CTIF: variants seen among roughly 807,000 people sequenced by gnomAD.
The protein encoded by CTIF is CBP80/20-dependent translation initiation factor.
Under a neutral mutation model 66.0 loss-of-function variants are expected in CTIF, and 21 were observed. The observed-to-expected ratio is 0.32, with a 90% CI of 0.23 to 0.46. The LOEUF (loss-of-function observed/expected upper bound fraction) is 0.46. Ranked by LOEUF, CTIF falls within the 20% of genes least tolerant of loss-of-function variation. The pLI is 1.00. For missense variants in CTIF, 739 were observed against 812.7 expected (o/e 0.91, Z 1.10); for synonymous variants, 345 against 326.4 (o/e 1.06, Z -0.62).
intron 6 of CTIF, among the ~76,000 whole-genome samples, chr18:48,689,852 G>A (rs1333943489): frequency 3.3e-5 from 5 of 152,170 alleles, no homozygotes; most frequent in Admixed American, 6.5e-5. Context: ...CTGGGCATGA[G>A]GCACTTGTAA....
chr18:48,708,437 A>G (rs191583835), intron 6 of CTIF, among the ~76,000 whole-genome samples: 174 of 152,302 alleles, frequency 1.1e-3, no homozygotes, highest in Admixed American at 3.1e-3. Flanking sequence ...AGGGGTTCTC[A>G]ATGGAGCTTG....
At chr18:48,664,356 G>C (rs2144916677) in intron 4 of CTIF, 91 bp from the exon 5 acceptor site, 1 of 1,167,994 alleles carries the variant, frequency 8.6e-7, no homozygotes, top group Non-Finnish European at 1.3e-6. Context: ...CTGCGGATCT[G>C]CTCTGCCAGG....
chr18:48,634,881 A>G (rs1471509003), intron 2 of CTIF, among the ~76,000 whole-genome samples: 2 of 152,232 alleles, frequency 1.3e-5, no homozygotes, highest in Non-Finnish European at 2.9e-5. Flanking sequence ...GATTTCTAAC[A>G]CGGAATGGAA....
At chr18:48,699,963 A>G (rs940825074) in intron 6 of CTIF, among the ~76,000 whole-genome samples, 2 of 152,174 alleles carry the variant, frequency 1.3e-5, no homozygotes, top group African/African-American at 4.8e-5. Context: ...AGCACACTCC[A>G]CACTGGCTCG....
At chr18:48,649,805 C>CAGTG (rs2091121720) in intron 3 of CTIF, among the ~76,000 whole-genome samples, 1 of 152,226 alleles carries the variant, frequency 6.6e-6, no homozygotes, top group Non-Finnish European at 1.5e-5. Flanking sequence ...TGCTGTTCTG[C>CAGTG]AGTGTCCACT....
chr18:48,820,895 G>A (rs543657785), intron 10 of CTIF, among the ~76,000 whole-genome samples: 2 of 152,288 alleles, frequency 1.3e-5, no homozygotes, highest in East Asian at 3.9e-4. Context: ...GCTCACAGAG[G>A]CCCCCTTCAT....
At chr18:48,622,409 C>T (rs1034095913) in intron 2 of CTIF, among the ~76,000 whole-genome samples, 6 of 151,492 alleles carry the variant, frequency 4.0e-5, no homozygotes, top group African/African-American at 1.5e-4. Context: ...AGGAGGAGAG[C>T]GGGTCGTGAA....
At chr18:48,717,757 T>C (rs111502681) in intron 7 of CTIF, among the ~76,000 whole-genome samples, 157 of 152,274 alleles carry the variant, frequency 1.0e-3, no homozygotes, top group African/African-American at 3.6e-3. Flanking sequence ...AACAGGGTCT[T>C]GCTCTGTCAC....
At chr18:48,602,140 TA>T (rs1470699834) in intron 1 of CTIF, among the ~76,000 whole-genome samples, 1 of 152,240 alleles carries the variant, frequency 6.6e-6, no homozygotes, top group Admixed American at 6.5e-5. Flanking sequence ...CATCCTCCAT[TA>T]AAAGAGGTTT....
At chr18:48,740,819 C>T (rs2092546876) in intron 7 of CTIF, among the ~76,000 whole-genome samples, 1 of 152,212 alleles carries the variant, frequency 6.6e-6, no homozygotes, top group Non-Finnish European at 1.5e-5. Context: ...TAAAAAAATT[C>T]CTCATGGGTT....
intron 9 of CTIF, among the ~76,000 whole-genome samples, chr18:48,796,259 C>T (rs1339675933): frequency 1.3e-5 from 2 of 151,024 alleles, no homozygotes; most frequent in Admixed American, 6.6e-5. Context: ...CCGCAAGCTC[C>T]ACCTCCCGGG....
Position 48,793,581 on chromosome 18 carries a change from C to T in CTIF, c.1372-23640C>T, listed in dbSNP as rs75107922. 5.1e-3 allele frequency among the ~76,000 whole-genome samples: 779 copies of T among 152,282 alleles called. 7 individuals carry two copies. Among genetic ancestry groups the T allele is most frequent in the African/African-American group, 0.018 (758 of 41,544 alleles). On this transcript the variant is annotated intron_variant, in intron 9 of 11. Coordinates refer to ENST00000256413, the MANE Select transcript of CTIF (RefSeq NM_014772.3). ...GATGATAGCTCAGTAAACAGAATCC[C>T]TTGGCGCAAGTGACATGCTGGGTGG...
At chr18:48,810,570 A>G (rs1381695670) in intron 9 of CTIF, among the ~76,000 whole-genome samples, 1 of 152,094 alleles carries the variant, frequency 6.6e-6, no homozygotes, top group Non-Finnish European at 1.5e-5. Flanking sequence ...ATCACAGCTT[A>G]CTATGAAGCT....
At chr18:48,555,964 T>C (rs915640369) in intron 1 of CTIF, among the ~76,000 whole-genome samples, 2 of 152,172 alleles carry the variant, frequency 1.3e-5, no homozygotes, top group African/African-American at 2.4e-5. Context: ...GAAATGTGTA[T>C]CAAAAGTTTC....
chr18:48,755,676 T>C lies in CTIF; in HGVS notation c.585-2243T>C, dbSNP rs140071449. On this transcript the variant is annotated intron_variant, in intron 7 of 11. Transcript: ENST00000256413. Reference sequence around the variant, plus strand: ...AGGCAACAGTGCTTTTGCCCAGGAATGTATATCAGAAACCAACAAGATTGA... The same window carrying C: ...AGGCAACAGTGCTTTTGCCCAGGAACGTATATCAGAAACCAACAAGATTGA... 1,047 of 152,322 alleles carry C rather than the reference T, an allele frequency of 6.9e-3. 6 individuals carry two copies. Among genetic ancestry groups the C allele is most frequent in the Non-Finnish European group, 0.012 (802 of 68,046 alleles). 9.4% of individuals were successfully genotyped at this position (152,322 alleles called of 1,614,324 possible). A position where few individuals can be genotyped will look rare whatever the true frequency, so the allele number is the denominator to read the frequency against.
chr18:48,779,293 C>T (rs375499338), intron 9 of CTIF, among the ~76,000 whole-genome samples: 1 of 152,164 alleles, frequency 6.6e-6, no homozygotes, highest in African/African-American at 2.4e-5. Context: ...TCCCTTAGAC[C>T]TTTGTGGGTG....
intron 9 of CTIF, among the ~76,000 whole-genome samples, chr18:48,815,773 G>T (rs2068349789): frequency 6.6e-6 from 1 of 152,202 alleles, no homozygotes; most frequent in Non-Finnish European, 1.5e-5. Context: ...TGGTGCCAAG[G>T]ATGCTTGGCT....
chr18:48,625,501 C>T (rs1261848339), intron 2 of CTIF, among the ~76,000 whole-genome samples: 4 of 152,144 alleles, frequency 2.6e-5, no homozygotes, highest in Non-Finnish European at 5.9e-5. Context: ...CATTCTGCTC[C>T]CTTACTCCTA....
At chr18:48,621,685 G>A (rs1408624276) in intron 2 of CTIF, 5 of 285,712 alleles carry the variant, frequency 1.8e-5, no homozygotes, top group Non-Finnish European at 2.7e-5. Flanking sequence ...GGGCCGTGAC[G>A]GGGAAGTTTC....
Sources: gnomAD v4.1 joint callset for allele counts (sites outside exome capture counted in the v4.1 genomes callset) on GRCh38, gnomAD v4.1.1 for gene constraint, MANE v1.5 for transcripts, NCBI Gene and HGNC (gene_info 2026-07-23, HGNC 2026-07-21) for gene names.